The following ANKRD26 variants were observed in gnomAD, a reference collection of about 807,000 sequenced individuals.
The protein encoded by ANKRD26 is ankyrin repeat domain 26, also known as ankyrin repeat domain-containing protein 26.
Under a neutral mutation model 208.7 loss-of-function variants are expected in ANKRD26, and 141 were observed. That is an observed-to-expected ratio of 0.68 (90% CI 0.59 to 0.78). The LOEUF (loss-of-function observed/expected upper bound fraction) is 0.78, where lower values mean the gene tolerates loss of function less well. Ranked by LOEUF, ANKRD26 falls within the 30% of genes least tolerant of loss-of-function variation. ANKRD26 has a pLI of 0.00. For synonymous variants in ANKRD26, 636 were observed against 660.4 expected, an observed-to-expected ratio of 0.96 and a Z score of 0.57; for missense variants, 1,889 against 1,938.7, an observed-to-expected ratio of 0.97 and a Z score of 0.48.
intron 20 of ANKRD26, 90 bp from the exon 21 acceptor site, chr10:27,040,268 AC>A (rs1343455983): frequency 3.2e-6 from 3 of 939,878 alleles, no homozygotes; most frequent in Non-Finnish European, 5.0e-6. Context: ...TAAGACACTG[AC>A]CAATTACATA....
At chr10:27,029,241 C>T (rs1192818654) in intron 26 of ANKRD26, 45 bp downstream of exon 26, 2 of 1,555,568 alleles carry the variant, frequency 1.3e-6, no homozygotes, top group Non-Finnish European at 1.8e-6. Flanking sequence ...TGCTTATTTG[C>T]TCTATAAATA....
At position 27,093,340 on chromosome 10, in the gene ANKRD26, GA is replaced by G; in HGVS notation, c.531+8del. The G allele has an allele frequency of 6.2e-7, 1 of 1,612,138 alleles. No individual in the cohort carries two copies. Among genetic ancestry groups the G allele is most frequent in the South Asian group, 1.1e-5 (1 of 90,968 alleles). On this transcript the variant is annotated splice_region_variant and intron_variant, in intron 3 of 33. Transcript: ENST00000376087. ...AAATACTGTAAAAATAAAGTTGGTT[GA>G]TCTATACCTTGTTTTTTGCTTCAAT...
the ANKRD26 span, among the ~76,000 whole-genome samples, chr10:26,953,016 C>T: frequency 6.6e-6 from 1 of 152,106 alleles, no homozygotes; most frequent in Non-Finnish European, 1.5e-5. Flanking sequence ...TGTTAGCTAC[C>T]CTCGAAGACA....
chr10:26,972,506 G>A (rs569946145), downstream of ANKRD26, among the ~76,000 whole-genome samples: 3 of 151,676 alleles, frequency 2.0e-5, no homozygotes, highest in African/African-American at 7.3e-5. Context: ...CTTCTTGCTA[G>A]ACTCGTTCAA....
chr10:27,050,242 A>AG (rs1379965434), intron 16 of ANKRD26, among the ~76,000 whole-genome samples: 10 of 149,858 alleles, frequency 6.7e-5, no homozygotes, highest in African/African-American at 2.5e-4. Context: ...AAAAAAAAAA[A>AG]AAAAAGAAAG....
chr10:26,951,013 C>CTTTTTTTTTTTTTTTTTT, the ANKRD26 span, among the ~76,000 whole-genome samples: 91 of 100,890 alleles, frequency 9.0e-4, 6 homozygotes, highest in African/African-American at 3.7e-3. Context: ...CTTTTCTTTT[C>CTTTTTTTTTTTTTTTTTT]TTTTTCTTTT....
At chr10:26,964,522 C>T in the ANKRD26 span, among the ~76,000 whole-genome samples, 1 of 152,194 alleles carries the variant, frequency 6.6e-6, no homozygotes, top group Admixed American at 6.5e-5. Context: ...CAGTCTCCTG[C>T]AACCAAGCAA....
At chr10:27,012,329 G>C (rs1169310470) in intron 32 of ANKRD26, among the ~76,000 whole-genome samples, 1 of 151,442 alleles carries the variant, frequency 6.6e-6, no homozygotes, top group Non-Finnish European at 1.5e-5. Flanking sequence ...AAATGTGACA[G>C]TTCAGTTACA....
chr10:27,002,808 G>A (rs552024965), downstream of ANKRD26, among the ~76,000 whole-genome samples: 105 of 152,298 alleles, frequency 6.9e-4, no homozygotes, highest in South Asian at 8.3e-4. Context: ...GGCAGCAGGT[G>A]CTCCTGACAA....
At chr10:26,982,501 G>A (rs1053201610) in intron 4 of ANKRD26, among the ~76,000 whole-genome samples, 5 of 151,846 alleles carry the variant, frequency 3.3e-5, no homozygotes, top group African/African-American at 4.8e-5. Flanking sequence ...TCTTTTATGA[G>A]CTGGTCCCTT....
downstream of ANKRD26, among the ~76,000 whole-genome samples, chr10:27,001,278 A>C (rs763097533): frequency 1.3e-5 from 2 of 152,146 alleles, no homozygotes; most frequent in Non-Finnish European, 2.9e-5. Context: ...AGAAGGGCCT[A>C]AGCGTGGGAG....
chr10:27,033,664 T>A (rs955395970), intron 24 of ANKRD26, among the ~76,000 whole-genome samples: 1 of 152,232 alleles, frequency 6.6e-6, no homozygotes, highest in Admixed American at 6.5e-5. Flanking sequence ...CTTAACAATC[T>A]ACTGAAGTCT....
rs559035616 is a variant in ANKRD26, at chr10:27,040,280, T to C, written c.2162-102A>G. The C allele has an allele frequency of 1.1e-4, 91 of 832,592 alleles. 2 individuals carry two copies. The South Asian group carries it at 1.4e-3, about 13-fold the overall frequency. 51.6% of individuals were successfully genotyped at this position (832,592 alleles called of 1,614,324 possible). ...CATTAAGACACTGACCAATTACATA[T>C]TGAGGGCCTACAATGTGGAAGACAT... On this transcript the variant is annotated intron_variant, in intron 20 of 33. Transcript: ENST00000376087.
At chr10:27,019,763 T>C (rs895841623) in intron 29 of ANKRD26, among the ~76,000 whole-genome samples, 3 of 152,252 alleles carry the variant, frequency 2.0e-5, no homozygotes, top group East Asian at 1.9e-4. Flanking sequence ...TAATTTTTCC[T>C]GTGTAAGTTA....
chr10:27,099,974 A>C, intron 1 of ANKRD26, 111 bp downstream of exon 1: 3 of 1,560,538 alleles, frequency 1.9e-6, no homozygotes, highest in Non-Finnish European at 2.6e-6. Flanking sequence ...CCCAGGGGCT[A>C]CGGAGCCCGC....
chr10:26,970,897 A>AT (rs1447024563), downstream of ANKRD26, among the ~76,000 whole-genome samples: 5 of 152,216 alleles, frequency 3.3e-5, no homozygotes, highest in Admixed American at 2.6e-4. Context: ...AGGGGACATG[A>AT]TTATTTAGGT....
intron 18 of ANKRD26, among the ~76,000 whole-genome samples, chr10:27,045,857 A>G (rs1246304994): frequency 6.6e-6 from 1 of 152,212 alleles, no homozygotes; most frequent in Non-Finnish European, 1.5e-5. Flanking sequence ...ATTCCAAATG[A>G]ACAACCTCTT....
At position 27,064,644 on chromosome 10, in the gene ANKRD26, T is replaced by C. The variant is rs535250467; in HGVS notation, c.1270-563A>G. On this transcript the variant is annotated intron_variant, in intron 11 of 33. Coordinates refer to ENST00000376087, the MANE Select transcript of ANKRD26 (RefSeq NM_014915.3). ...AGTATAAATAGAACACTGCAGAAGC[T>C]GCTTCATTTAAGTAAACAATGGCTT... Among the ~76,000 whole-genome samples, 5 of 152,340 alleles carry C rather than the reference T, an allele frequency of 3.3e-5. No homozygotes were observed. In the South Asian group the frequency reaches 1.0e-3, roughly 32 times the overall value.
the ANKRD26 span, among the ~76,000 whole-genome samples, chr10:26,963,915 T>TGTTTTTTTTTTG: frequency 7.3e-6 from 1 of 137,714 alleles, no homozygotes; most frequent in African/African-American, 2.7e-5. Context: ...TTTTTTTTTT[T>TGTTTTTTTTTTG]TTTTTTTTTT....
Sources: gnomAD v4.1 joint callset for allele counts (sites outside exome capture counted in the v4.1 genomes callset) on GRCh38, gnomAD v4.1.1 for gene constraint, MANE v1.5 for transcripts, NCBI Gene and HGNC (gene_info 2026-07-23, HGNC 2026-07-21) for gene names.